Variants in HIPK1 observed in about 807,000 individuals in gnomAD.
HIPK1 encodes homeodomain-interacting protein kinase 1.
A neutral mutation model predicts 117.1 loss-of-function variants in HIPK1; 28 were observed. The observed-to-expected ratio is 0.24, with a 90% CI of 0.18 to 0.33. The LOEUF (loss-of-function observed/expected upper bound fraction) is 0.33, where lower values mean the gene tolerates loss of function less well. Among genes scored for constraint, HIPK1 ranks in the 10% least tolerant of loss-of-function variants. The pLI is 1.00. For missense variants in HIPK1, 1,122 were observed against 1,475.1 expected (o/e 0.76, Z 3.92); for synonymous variants, 605 against 562.5 (o/e 1.08, Z -1.07).
Position 113,975,398 on chromosome 1 carries a change from G to A in HIPK1, c.*1886G>A. 1 of 152,734 alleles carries A rather than the reference G, an allele frequency of 6.5e-6. No homozygotes were observed. The highest frequency in any genetic ancestry group is 1.9e-4 in the East Asian group (1 of 5,338). The allele number at this position is 152,734 out of a possible 1,614,324, so 9.5% of individuals were successfully genotyped here. ...TCTCACAGAAGCATTTTCCCCATGT[G>A]GCTCTCTCACTGTGCGTTGCTACCT... On this transcript the variant is annotated 3_prime_UTR_variant, in exon 16 of 16. Transcript: ENST00000426820.
chr1:113,957,851 A>G (rs948530378), intron 7 of HIPK1, among the ~76,000 whole-genome samples: 13 of 147,992 alleles, frequency 8.8e-5, no homozygotes, highest in African/African-American at 2.5e-4. Flanking sequence ...ACATAGGACC[A>G]TTCGTTTTTT....
At position 113,976,250 on chromosome 1, in the gene HIPK1, C is replaced by T. The variant is rs1229277200; in HGVS notation, c.*2738C>T. ...TCAGCACTATATTGGTCAAGATAGCCAAGCAGTTTGTATAATTTCTGTCAC... is the reference window on the plus strand; with the variant it reads ...TCAGCACTATATTGGTCAAGATAGCTAAGCAGTTTGTATAATTTCTGTCAC... On this transcript the variant is annotated 3_prime_UTR_variant, in exon 16 of 16. Coordinates refer to ENST00000426820, the MANE Select transcript of HIPK1 (RefSeq NM_198268.3). 2 of 152,532 alleles carry T rather than the reference C, an allele frequency of 1.3e-5. No homozygotes were observed. The highest frequency in any genetic ancestry group is 4.8e-5 in the African/African-American group (2 of 41,540). The allele number at this position is 152,532 out of a possible 1,614,324, so 9.4% of individuals were successfully genotyped here.
intron 11 of HIPK1, 139 bp downstream of exon 11, chr1:113,966,411 GC>G (rs1297696266): frequency 1.2e-5 from 8 of 671,240 alleles, no homozygotes; most frequent in African/African-American, 1.9e-5. Flanking sequence ...CCCATATCAG[GC>G]TAGGAGATGG....
Position 113,976,773 on chromosome 1 carries a change from G to T in HIPK1, c.*3261G>T, listed in dbSNP as rs1303911729. The stretch of plus-strand genomic sequence containing the variant: ...GGAAGCCTGGTGAATTTAGTGAGCA[G>T]CTGGCCTGGGTCACAGTGACCTGAC... On this transcript the variant is annotated 3_prime_UTR_variant, in exon 16 of 16. Transcript: ENST00000426820. 6.5e-6 allele frequency: 1 copy of T among 152,878 alleles called. No individual in the cohort carries two copies. The highest frequency in any genetic ancestry group is 1.5e-5 in the Non-Finnish European group (1 of 68,092). 9.5% of individuals were successfully genotyped at this position (152,878 alleles called of 1,614,324 possible).
rs1049708880 is a variant in HIPK1 at position 113,968,705 on chromosome 1, A to G, written c.2771+57A>G. The stretch of plus-strand genomic sequence containing the variant: ...GGTTTTAGACTGTTGGCCTCAGGCA[A>G]GTGGGCCCAGTTTGGCCTGTGAAAG... On this transcript the variant is annotated intron_variant, in intron 13 of 15. Coordinates refer to ENST00000426820, the MANE Select transcript of HIPK1 (RefSeq NM_198268.3). The G allele has an allele frequency of 5.6e-6, 8 of 1,425,064 alleles. No individual in the cohort carries two copies. The South Asian group carries it at 5.8e-5, about 10-fold the overall frequency. The allele number at this position is 1,425,064 out of a possible 1,614,324, so 88.3% of individuals were successfully genotyped here.
chr1:113,957,378 G>A (rs1671794021), intron 7 of HIPK1, 92 bp downstream of exon 7: 1 of 1,012,250 alleles, frequency 9.9e-7, no homozygotes, highest in Non-Finnish European at 1.4e-6. Flanking sequence ...TTTTGTTTTG[G>A]TGGTCTTGTT....
intron 8 of HIPK1, among the ~76,000 whole-genome samples, chr1:113,959,604 G>C (rs533953306): frequency 3.1e-4 from 47 of 152,170 alleles, no homozygotes; most frequent in Non-Finnish European, 5.9e-4. Flanking sequence ...GATGATACAA[G>C]ATGAAGCAGA....
At chr1:113,930,138 A>T (rs1055086463) in intron 1 of HIPK1, among the ~76,000 whole-genome samples, 7 of 152,160 alleles carry the variant, frequency 4.6e-5, no homozygotes, top group African/African-American at 1.7e-4. Context: ...TTGCCTTCCC[A>T]GGAAGGTGGG....
chr1:113,937,083 A>G (rs1466824175), intron 1 of HIPK1, among the ~76,000 whole-genome samples: 1 of 152,250 alleles, frequency 6.6e-6, no homozygotes, highest in Non-Finnish European at 1.5e-5. Flanking sequence ...TCAGTGAAGT[A>G]GGTAGAACAA....
intron 5 of HIPK1, among the ~76,000 whole-genome samples, 170 bp from the exon 6 acceptor site, chr1:113,956,457 A>G (rs1458557393): frequency 6.6e-6 from 1 of 152,220 alleles, no homozygotes; most frequent in Non-Finnish European, 1.5e-5. Context: ...TAAACAGCAT[A>G]AAAAGAGCTT....
chr1:113,955,572 G>A lies in HIPK1; in HGVS notation c.1330G>A (p.Glu444Lys). The A allele has an allele frequency of 6.4e-7, 1 of 1,574,650 alleles. No homozygotes were observed. The highest frequency in any genetic ancestry group is 8.7e-7 in the Non-Finnish European group (1 of 1,146,428). Reference protein sequence around the residue: ...YPLWRLKTPEEHELETGIKSK... With the variant: ...YPLWRLKTPEKHELETGIKSK... Reference sequence around the variant, plus strand: ...AATCTTTATTTTATAGACACCTGAAGAACATGAACTGGAGACTGGAATAAA... The same window carrying A: ...AATCTTTATTTTATAGACACCTGAAAAACATGAACTGGAGACTGGAATAAA... Residue 444 changes from glutamate (E) to lysine (K), a missense_variant, in exon 5 of 16, where the codon GAA becomes AAA. Transcript: ENST00000426820.
At chr1:113,952,672 C>T (rs1671443951) in intron 2 of HIPK1, 94 bp from the exon 3 acceptor site, 2 of 935,456 alleles carry the variant, frequency 2.1e-6, no homozygotes, top group African/African-American at 1.7e-5. Context: ...ATAAATGTTC[C>T]TTTAGCTAAT....
intron 10 of HIPK1, among the ~76,000 whole-genome samples, chr1:113,965,850 C>G (rs1404553392): frequency 6.6e-6 from 1 of 152,176 alleles, no homozygotes; most frequent in African/African-American, 2.4e-5. Context: ...GACTCCTTTT[C>G]TCTACAGTAT....
Position 113,970,082 on chromosome 1 carries a change from A to T in HIPK1, c.2898A>T (p.Gly966=). The change falls in exon 14 of 16, where the codon GGA becomes GGT. Residue 966 remains glycine (G), a synonymous_variant. Coordinates refer to ENST00000426820, the MANE Select transcript of HIPK1 (RefSeq NM_198268.3). Reference sequence around the variant, plus strand: ...TGAGTGCTCTCCGAGGCAATAGTGGATCCGTTTTGGAGGGGCCTGGCAGAG... The same window carrying T: ...TGAGTGCTCTCCGAGGCAATAGTGGTTCCGTTTTGGAGGGGCCTGGCAGAG... The part of the protein sequence containing the change: ...DTLSALRGNS[G]SVLEGPGRVV... 6.2e-7 allele frequency: 1 copy of T among 1,614,118 alleles called. No homozygotes were observed. Among genetic ancestry groups the T allele is most frequent in the Non-Finnish European group, 8.5e-7 (1 of 1,180,016 alleles).
rs1353837104 is a variant in HIPK1 at position 113,974,600 on chromosome 1, A to G, written c.*1088A>G. On this transcript the variant is annotated 3_prime_UTR_variant, in exon 16 of 16. Coordinates refer to ENST00000426820, the MANE Select transcript of HIPK1 (RefSeq NM_198268.3). ...AACATTTCTTGTGTATAGCTTTTAT[A>G]CTTCAAAGTAGCTTCCTTTGTATGC... 6.5e-6 allele frequency: 1 copy of G among 152,770 alleles called. No homozygotes were observed. Among genetic ancestry groups the G allele is most frequent in the African/African-American group, 2.4e-5 (1 of 41,464 alleles). 9.5% of individuals were successfully genotyped at this position (152,770 alleles called of 1,614,324 possible). A position where few individuals can be genotyped will look rare whatever the true frequency, so the allele number is the denominator to read the frequency against.
chr1:113,973,149 A>T lies in HIPK1; in HGVS notation c.3270A>T (p.Leu1090=), dbSNP rs1341101551. 6.2e-7 allele frequency: 1 copy of T among 1,605,604 alleles called. No homozygotes were observed. Among genetic ancestry groups the T allele is most frequent in the African/African-American group, 1.3e-5 (1 of 74,980 alleles). Residue 1090 remains leucine, a synonymous_variant, in exon 16 of 16, where the codon CTA becomes CTT. Transcript: ENST00000426820. ...APYTFQHGSP[L]HSTGHPHLAP... ...ACACCTTCCAGCATGGCAGCCCGCTACACTCGACAGGGCACCCACACCTTG... is the reference window on the plus strand; with the variant it reads ...ACACCTTCCAGCATGGCAGCCCGCTTCACTCGACAGGGCACCCACACCTTG...
In HIPK1 at chr1:113,957,278, C is replaced by T. The variant is rs1393081252; in HGVS notation, c.1747C>T (p.His583Tyr). The T allele has an allele frequency of 3.7e-5, 60 of 1,610,122 alleles. No individual in the cohort carries two copies. Among genetic ancestry groups the T allele is most frequent in the Non-Finnish European group, 4.9e-5 (58 of 1,177,638 alleles). The change falls in exon 7 of 16, where the codon CAC becomes TAC. Residue 583 changes from histidine to tyrosine, a missense_variant. Physicochemically the swap from His to Tyr is moderately conservative, Grantham distance 83. Around this residue, in one of 6 missense-constraint regions of HIPK1, gnomAD observed 731 missense variants for 860.4 expected, o/e 0.85. Coordinates refer to ENST00000426820, the MANE Select transcript of HIPK1 (RefSeq NM_198268.3). Reference protein sequence around the residue: ...MSFSNQLNTVHNQASVLASSS... With the variant: ...MSFSNQLNTVYNQASVLASSS... The stretch of plus-strand genomic sequence containing the variant: ...CTTCAGCAATCAGCTCAATACAGTG[C>T]ACAATCAGGTATTCAATAAATAATT...
At chr1:113,959,919 C>T (rs969809208) in intron 8 of HIPK1, among the ~76,000 whole-genome samples, 2 of 152,132 alleles carry the variant, frequency 1.3e-5, no homozygotes, top group Non-Finnish European at 2.9e-5. Flanking sequence ...ATGTCATTAT[C>T]CCCAATTTAT....
intron 9 of HIPK1, 68 bp from the exon 10 acceptor site, chr1:113,963,319 G>A: frequency 6.4e-7 from 1 of 1,561,202 alleles, no homozygotes; most frequent in Non-Finnish European, 8.7e-7. Flanking sequence ...GGGGGAATGA[G>A]AACCCTTCTG....
Sources: allele counts gnomAD v4.1 joint callset (sites outside exome capture counted in the v4.1 genomes callset), GRCh38; gene constraint gnomAD v4.1.1; regional missense constraint gnomAD v4.1.1; transcripts MANE v1.5; gene names NCBI Gene and HGNC (gene_info 2026-07-23, HGNC 2026-07-21).